Variants in CHD9 observed in about 807,000 individuals in gnomAD.
CHD9 encodes chromodomain helicase DNA binding protein 9.
Under a neutral mutation model 316.1 loss-of-function variants are expected in CHD9, and 77 were observed. The observed-to-expected ratio is 0.24, with a 90% CI of 0.20 to 0.29. The LOEUF is 0.29. CHD9 is among the 10% of genes least tolerant of loss of function. CHD9 has a pLI of 1.00. For missense variants in CHD9, 2,763 were observed against 3,438.1 expected (o/e 0.80, Z 4.91); for synonymous variants, 1,129 against 1,158.3 (o/e 0.97, Z 0.51).
chr16:53,078,431 T>C (rs2034735520), intron 1 of CHD9, among the ~76,000 whole-genome samples: 1 of 152,204 alleles, frequency 6.6e-6, no homozygotes, highest in South Asian at 2.1e-4. Context: ...TGCCACCTGA[T>C]GACACAGCAC....
chr16:53,267,944 A>C lies in CHD9; in HGVS notation c.4535A>C (p.Glu1512Ala). The C allele has an allele frequency of 1.2e-6, 2 of 1,613,498 alleles. No homozygotes were observed. Among genetic ancestry groups the C allele is most frequent in the South Asian group, 1.1e-5 (1 of 91,074 alleles). The change falls in exon 22 of 39, where the codon GAG (glutamate) becomes GCG (alanine). Residue 1512 changes from glutamate (E) to alanine (A), a missense_variant. Physicochemically the swap from Glu to Ala is moderately radical, Grantham distance 107 (BLOSUM62 -1). This residue lies in a region of CHD9 where 99 missense variants were observed against 131.6 expected (regional missense o/e 0.75). Transcript: ENST00000447540. Reference protein sequence around the residue: ...LLVYGWGRWREILSHGRFKRQ... With the variant: ...LLVYGWGRWRAILSHGRFKRQ... ...TTAACCAGGTGGGGCCGATGGAGAG[A>C]GATTCTATCTCATGGCCGTTTCAAA... is the stretch of plus-strand genomic sequence containing the variant.
At chr16:53,092,719 C>T (rs1249965561) in intron 1 of CHD9, among the ~76,000 whole-genome samples, 1 of 152,184 alleles carries the variant, frequency 6.6e-6, no homozygotes, top group Admixed American at 6.5e-5. Flanking sequence ...AGATTATTTC[C>T]TCATTGGAAA....
intron 12 of CHD9, among the ~76,000 whole-genome samples, chr16:53,241,954 G>C (rs768091044): frequency 6.6e-6 from 1 of 152,090 alleles, no homozygotes; most frequent in Non-Finnish European, 1.5e-5. Context: ...TCCCGCAGTC[G>C]GCTGCATCCC....
In CHD9 at chr16:53,314,953, T is replaced by A. The variant is rs2056766465; in HGVS notation, c.7493T>A (p.Leu2498His). ...PVINLKDGTR[L>H]AGDDAPKRKD... The stretch of plus-strand genomic sequence containing the variant: ...ATTAATCTTAAAGATGGAACGAGAC[T>A]TGCAGGAGATGATGCACCAAAGAGA... Residue 2498 changes from leucine to histidine, a missense_variant, in exon 36 of 39, where the codon CTT (leucine) becomes CAT (histidine). Leu to His is a moderately conservative substitution (Grantham distance 99). Coordinates refer to ENST00000447540, the MANE Select transcript of CHD9 (RefSeq NM_001308319.2). 1 of 1,613,840 alleles carries A rather than the reference T, an allele frequency of 6.2e-7. No individual in the cohort carries two copies. Among genetic ancestry groups the A allele is most frequent in the East Asian group, 2.2e-5 (1 of 44,842 alleles).
At chr16:53,177,293 G>T (rs2043158849) in intron 2 of CHD9, among the ~76,000 whole-genome samples, 1 of 152,086 alleles carries the variant, frequency 6.6e-6, no homozygotes, top group Non-Finnish European at 1.5e-5. Flanking sequence ...TAGGTTCTAG[G>T]TACTATAGCT....
chr16:53,238,625 A>G, intron 12 of CHD9, 39 bp downstream of exon 12: 1 of 1,597,700 alleles, frequency 6.3e-7, no homozygotes, highest in African/African-American at 1.3e-5. Context: ...TTGAAAGGTC[A>G]GGGCTGAAAA....
intron 36 of CHD9, 57 bp downstream of exon 36, chr16:53,315,101 T>A: frequency 8.0e-7 from 1 of 1,244,908 alleles, no homozygotes; most frequent in Non-Finnish European, 1.1e-6. Flanking sequence ...GTCAGATCTA[T>A]CATGATGAAG....
chr16:53,319,780 A>C (rs1333357532), intron 37 of CHD9: 1 of 1,209,542 alleles, frequency 8.3e-7, no homozygotes, highest in African/African-American at 1.6e-5. Context: ...TAATTTGTAG[A>C]GTTTCTAATT....
chr16:53,113,364 C>CTTTTTTTTT lies in CHD9; in HGVS notation c.-164-42550_-164-42542dup, dbSNP rs35792251. Reference sequence around the variant, plus strand: ...TCTCTGTTTTACAAGAATCTTGGCACTTTTTTTTTTTTTTTTTTTTGAGAT... The same window carrying CTTTTTTTTT: ...TCTCTGTTTTACAAGAATCTTGGCACTTTTTTTTTTTTTTTTTTTTTTTTTTTTTGAGAT... On this transcript the variant is annotated intron_variant, in intron 1 of 38. Coordinates refer to ENST00000447540, the MANE Select transcript of CHD9 (RefSeq NM_001308319.2). 5.2e-5 allele frequency among the ~76,000 whole-genome samples: 6 copies of CTTTTTTTTT among 116,024 alleles called. 2 individuals are homozygous for CTTTTTTTTT. The highest frequency in any genetic ancestry group is 6.9e-5 in the Non-Finnish European group (4 of 57,906). 76.1% of individuals were successfully genotyped at this position (116,024 alleles called of 152,430 possible). A position where few individuals can be genotyped will look rare whatever the true frequency, so the allele number is the denominator to read the frequency against.
At chr16:53,204,499 G>A (rs1490990110) in intron 2 of CHD9, among the ~76,000 whole-genome samples, 1 of 152,166 alleles carries the variant, frequency 6.6e-6, no homozygotes, top group African/African-American at 2.4e-5. Flanking sequence ...TTAGAGGCAT[G>A]AAGTGCATGC....
intron 1 of CHD9, among the ~76,000 whole-genome samples, chr16:53,127,668 C>T (rs2039030347): frequency 6.6e-6 from 1 of 152,148 alleles, no homozygotes; most frequent in Admixed American, 6.5e-5. Context: ...CACCTGTAAT[C>T]CCAGCACTTT....
intron 1 of CHD9, among the ~76,000 whole-genome samples, chr16:53,138,837 C>T (rs1464879524): frequency 6.6e-6 from 1 of 152,108 alleles, no homozygotes; most frequent in Non-Finnish European, 1.5e-5. Flanking sequence ...ATGGAGGCAA[C>T]AGATCACTTA....
intron 13 of CHD9, 143 bp downstream of exon 13, chr16:53,243,159 G>T (rs2049251709): frequency 1.8e-6 from 1 of 549,670 alleles, no homozygotes; most frequent in South Asian, 3.4e-5. Flanking sequence ...GAGATTTTTT[G>T]GGGGGCCTTA....
intron 2 of CHD9, among the ~76,000 whole-genome samples, chr16:53,199,241 G>C (rs1426848997): frequency 6.6e-6 from 1 of 152,096 alleles, no homozygotes; most frequent in Non-Finnish European, 1.5e-5. Context: ...TAGGACAGAT[G>C]AGAGTTACTG....
chr16:53,243,047 T>C, intron 13 of CHD9, 31 bp downstream of exon 13: 1 of 1,489,520 alleles, frequency 6.7e-7, no homozygotes, highest in Non-Finnish European at 9.2e-7. Context: ...ATTATGACAA[T>C]TGAGTTTATT....
At chr16:53,224,193 G>C (rs2047463486) in intron 4 of CHD9, among the ~76,000 whole-genome samples, 1 of 152,006 alleles carries the variant, frequency 6.6e-6, no homozygotes, top group Non-Finnish European at 1.5e-5. Context: ...AAATTAAAAG[G>C]GACAATTTAT....
At chr16:53,077,755 A>C (rs1398816022) in intron 1 of CHD9, among the ~76,000 whole-genome samples, 3 of 152,220 alleles carry the variant, frequency 2.0e-5, no homozygotes, top group Non-Finnish European at 2.9e-5. Flanking sequence ...AAAACATTTG[A>C]AATCTACTTC....
At chr16:53,187,458 A>G (rs1338611647) in intron 2 of CHD9, among the ~76,000 whole-genome samples, 1 of 152,136 alleles carries the variant, frequency 6.6e-6, no homozygotes, top group Non-Finnish European at 1.5e-5. Flanking sequence ...GTGAGCTATG[A>G]TCACACCACT....
rs1350765022 is a variant in CHD9, at chr16:53,314,501, T to C, written c.7347T>C (p.Asn2449=). Reference sequence around the variant, plus strand: ...TTGACATCTTCTTTTTTAACAGAAATAAACCACCTAATCATGTAAGTAAAG... The same window carrying C: ...TTGACATCTTCTTTTTTAACAGAAACAAACCACCTAATCATGTAAGTAAAG... ...EGVDIFFFNR[N]KPPNHVSLGL... is the part of the protein sequence containing the mutation. Residue 2449 remains asparagine, a synonymous_variant, in exon 35 of 39, where the codon AAT becomes AAC. Coordinates refer to ENST00000447540, the MANE Select transcript of CHD9 (RefSeq NM_001308319.2). The C allele has an allele frequency of 1.9e-6, 3 of 1,574,400 alleles. No homozygotes were observed. The African/African-American group carries it at 4.1e-5, about 21-fold the overall frequency.
Sources: allele counts gnomAD v4.1 joint callset (sites outside exome capture counted in the v4.1 genomes callset), GRCh38; gene constraint gnomAD v4.1.1; regional missense constraint gnomAD v4.1.1; transcripts MANE v1.5; gene names NCBI Gene and HGNC (gene_info 2026-07-23, HGNC 2026-07-21).